The following RPRD2 variants were observed in gnomAD, a reference collection of about 807,000 sequenced individuals.
RPRD2 encodes the protein regulation of nuclear pre-mRNA domain containing 2.
Under a neutral mutation model 104.4 loss-of-function variants are expected in RPRD2, and 12 were observed. The ratio of observed to expected loss-of-function variants is 0.11; its 90% CI spans 0.07 to 0.19. The LOEUF is 0.19. Among genes scored for constraint, RPRD2 ranks in the 10% least tolerant of loss-of-function variants. The pLI, the probability that RPRD2 is intolerant of heterozygous loss-of-function variation, is 1.00. For synonymous variants in RPRD2, 714 were observed against 684.9 expected, an observed-to-expected ratio of 1.04 and a Z score of -0.66; for missense variants, 1,543 against 1,790.1, an observed-to-expected ratio of 0.86 and a Z score of 2.49.
At chr1:150,386,997 A>G (rs1553881953) in intron 1 of RPRD2, among the ~76,000 whole-genome samples, 1 of 152,192 alleles carries the variant, frequency 6.6e-6, no homozygotes, top group Non-Finnish European at 1.5e-5. Context: ...TTAACTTTTT[A>G]AAATAGATTT....
intron 7 of RPRD2, among the ~76,000 whole-genome samples, chr1:150,449,101 A>G (rs1439437305): frequency 1.3e-5 from 2 of 152,184 alleles, no homozygotes; most frequent in African/African-American, 2.4e-5. Flanking sequence ...CCTTCTATAC[A>G]TTAAAAGAAG....
chr1:150,368,682 T>G (rs1247891318), intron 1 of RPRD2, among the ~76,000 whole-genome samples: 8 of 152,120 alleles, frequency 5.3e-5, no homozygotes, highest in Non-Finnish European at 1.0e-4. Context: ...CAGGCTGGTC[T>G]TGAACTCTGG....
intron 2 of RPRD2, among the ~76,000 whole-genome samples, chr1:150,438,413 G>A (rs587658073): frequency 1.1e-4 from 16 of 152,240 alleles, no homozygotes; most frequent in Non-Finnish European, 2.4e-4. Flanking sequence ...ATCACTTGAG[G>A]TCGGGAGTTC....
At chr1:150,418,743 G>A (rs1553889041) in intron 2 of RPRD2, among the ~76,000 whole-genome samples, 1 of 152,204 alleles carries the variant, frequency 6.6e-6, no homozygotes, top group Non-Finnish European at 1.5e-5. Context: ...TGAGCACGGT[G>A]GCTCACGCCT....
intron 1 of RPRD2, among the ~76,000 whole-genome samples, chr1:150,396,472 T>C (rs1349765841): frequency 6.6e-6 from 1 of 152,208 alleles, no homozygotes; most frequent in Non-Finnish European, 1.5e-5. Context: ...TCTTCTAGAA[T>C]TTTATAGTTT....
intron 1 of RPRD2, among the ~76,000 whole-genome samples, chr1:150,365,932 T>A (rs1659812317): frequency 6.6e-6 from 1 of 152,210 alleles, no homozygotes; most frequent in Admixed American, 6.5e-5. Context: ...TTTACACAAT[T>A]GAGTTGATCT....
intron 8 of RPRD2, 135 bp downstream of exon 8, chr1:150,457,705 C>T (rs1045088434): frequency 5.1e-6 from 4 of 783,722 alleles, no homozygotes; most frequent in Non-Finnish European, 8.4e-6. Context: ...ATTATAATCT[C>T]TAGAGCAGTT....
chr1:150,416,330 C>G (rs1469292834), intron 1 of RPRD2, among the ~76,000 whole-genome samples: 1 of 151,736 alleles, frequency 6.6e-6, no homozygotes, highest in Non-Finnish European at 1.5e-5. Flanking sequence ...AAGCTGAGAT[C>G]TTGATGAAAT....
At chr1:150,459,618 A>T (rs1225562598) in intron 8 of RPRD2, among the ~76,000 whole-genome samples, 4 of 141,008 alleles carry the variant, frequency 2.8e-5, no homozygotes, top group Non-Finnish European at 6.1e-5. Context: ...TTGAGACGGG[A>T]GTCTCGCTTT....
At position 150,429,156 on chromosome 1, in the gene RPRD2, G is replaced by A. The variant is rs369943438; in HGVS notation, c.335+11431G>A. Among the ~76,000 whole-genome samples the A allele has an allele frequency of 1.1e-4, 16 of 150,278 alleles. No individual in the cohort carries two copies. In the East Asian group the frequency reaches 1.2e-3, roughly 11 times the overall value. On this transcript the variant is annotated intron_variant, in intron 2 of 10. Transcript: ENST00000369068. The stretch of plus-strand genomic sequence containing the variant: ...TGCCCAGGTTGGAGTGCAGTGGTGC[G>A]ATCTCAGCTCACCACAACCTTTGCT...
At chr1:150,408,859 T>G (rs587633445) in intron 1 of RPRD2, 1 of 152,230 alleles carries the variant, frequency 6.6e-6, no homozygotes, top group South Asian at 2.1e-4. Flanking sequence ...ACAGCCTGTT[T>G]TGCAAATGAA....
chr1:150,422,368 A>AATAATAAT (rs1226427352), intron 2 of RPRD2, among the ~76,000 whole-genome samples: 18 of 82,110 alleles, frequency 2.2e-4, no homozygotes, highest in African/African-American at 7.2e-4. Context: ...TAATAATAAT[A>AATAATAAT]AATAAAATTA....
intron 2 of RPRD2, among the ~76,000 whole-genome samples, chr1:150,433,759 C>T (rs987892078): frequency 5.3e-4 from 49 of 92,638 alleles, no homozygotes; most frequent in African/African-American, 2.2e-3. Context: ...GAACCATCAC[C>T]AAACTTCTAA....
At chr1:150,448,325 T>C (rs966477017) in intron 7 of RPRD2, among the ~76,000 whole-genome samples, 2 of 152,058 alleles carry the variant, frequency 1.3e-5, no homozygotes, top group Non-Finnish European at 2.9e-5. Flanking sequence ...CATGCCATCA[T>C]GCCTGGCTAA....
At chr1:150,392,749 G>A (rs1456781516) in intron 1 of RPRD2, among the ~76,000 whole-genome samples, 2 of 152,058 alleles carry the variant, frequency 1.3e-5, no homozygotes, top group East Asian at 3.9e-4. Context: ...AGGCTGAGGA[G>A]GGAGGATTGC....
chr1:150,365,208 G>C (rs1368807519), intron 1 of RPRD2, among the ~76,000 whole-genome samples: 1 of 152,198 alleles, frequency 6.6e-6, no homozygotes, highest in African/African-American at 2.4e-5. Flanking sequence ...TCAGAGCCTT[G>C]TAAGGTGTAT....
At chr1:150,375,116 A>G (rs1360123516) in intron 1 of RPRD2, among the ~76,000 whole-genome samples, 1 of 151,828 alleles carries the variant, frequency 6.6e-6, no homozygotes, top group African/African-American at 2.4e-5. Context: ...ATTATAAACT[A>G]TAATTATTGT....
chr1:150,395,187 A>C (rs1426745006), intron 1 of RPRD2, among the ~76,000 whole-genome samples: 2 of 152,082 alleles, frequency 1.3e-5, no homozygotes, highest in Non-Finnish European at 2.9e-5. Flanking sequence ...CCCAAAGTCC[A>C]CTGTGTCTTC....
intron 10 of RPRD2, among the ~76,000 whole-genome samples, chr1:150,467,481 C>G (rs1668353161): frequency 6.6e-6 from 1 of 152,070 alleles, no homozygotes; most frequent in Non-Finnish European, 1.5e-5. Context: ...TCAAGTGATT[C>G]TCTTGCCTCA....
Sources: gnomAD v4.1 joint callset for allele counts (sites outside exome capture counted in the v4.1 genomes callset) on GRCh38, gnomAD v4.1.1 for gene constraint, MANE v1.5 for transcripts, NCBI Gene and HGNC (gene_info 2026-07-23, HGNC 2026-07-21) for gene names.